Variants in DPP6 observed in about 807,000 individuals in gnomAD.
The protein encoded by DPP6 is A-type potassium channel modulatory protein DPP6.
A neutral mutation model predicts 122.6 loss-of-function variants in DPP6; 69 were observed. The ratio of observed to expected loss-of-function variants is 0.56; its 90% CI spans 0.46 to 0.69. DPP6 has a LOEUF of 0.69. DPP6 is among the 30% of genes least tolerant of loss of function. The pLI, the probability that DPP6 is intolerant of heterozygous loss-of-function variation, is 0.00. For synonymous variants in DPP6, 418 were observed against 433.1 expected (o/e 0.97, Z 0.43); for missense variants, 928 against 1,116.9 (o/e 0.83, Z 2.41).
chr7:153,960,089 G>C (rs2129027718), intron 1 of DPP6, among the ~76,000 whole-genome samples: 1 of 151,340 alleles, frequency 6.6e-6, no homozygotes, highest in South Asian at 2.1e-4. Context: ...TGAGGTGTGT[G>C]ATCAAACTCT....
chr7:154,050,824 T>C (rs1800262880), upstream of DPP6, among the ~76,000 whole-genome samples: 1 of 139,572 alleles, frequency 7.2e-6, no homozygotes, highest in Admixed American at 7.2e-5. Context: ...CTCATGTTTC[T>C]TCATAGTAAA....
At chr7:154,286,808 T>A (rs1363882963) in intron 1 of DPP6, among the ~76,000 whole-genome samples, 1 of 151,510 alleles carries the variant, frequency 6.6e-6, no homozygotes, top group Non-Finnish European at 1.5e-5. Flanking sequence ...TTTCTTCTTT[T>A]TTTTTTTTTT....
At chr7:154,284,710 C>T (rs1181340515) in intron 1 of DPP6, among the ~76,000 whole-genome samples, 1 of 152,134 alleles carries the variant, frequency 6.6e-6, no homozygotes, top group Non-Finnish European at 1.5e-5. Context: ...CAAAAATTAG[C>T]CGGGCGTGGT....
intron 1 of DPP6, among the ~76,000 whole-genome samples, chr7:153,916,195 G>A (rs540138179): frequency 4.0e-5 from 6 of 151,686 alleles, no homozygotes; most frequent in South Asian, 4.1e-4. Flanking sequence ...GGATAGTCTC[G>A]ATCTCCTGAC....
chr7:154,348,979 T>G (rs1277947044), intron 1 of DPP6, among the ~76,000 whole-genome samples: 1 of 152,206 alleles, frequency 6.6e-6, no homozygotes, highest in Non-Finnish European at 1.5e-5. Context: ...CTCTGTTGTT[T>G]CGATGAAGCA....
chr7:153,807,843 G>C, the DPP6 span, among the ~76,000 whole-genome samples: 1 of 151,962 alleles, frequency 6.6e-6, no homozygotes, highest in Non-Finnish European at 1.5e-5. Flanking sequence ...CGATCTTGTG[G>C]CTTGAAAGAA....
At chr7:154,445,621 A>C (rs78541697) in intron 1 of DPP6, among the ~76,000 whole-genome samples, 1 of 152,192 alleles carries the variant, frequency 6.6e-6, no homozygotes, top group African/African-American at 2.4e-5. Flanking sequence ...GTGAAGAGAG[A>C]CCAGGAAAAT....
intron 1 of DPP6, among the ~76,000 whole-genome samples, chr7:154,178,279 C>CA (rs1196903735): frequency 6.6e-6 from 1 of 152,092 alleles, no homozygotes; most frequent in African/African-American, 2.4e-5. Flanking sequence ...GCTCAGGAAG[C>CA]AAAGAAGTCA....
chr7:154,802,443 T>G (rs1415701824), intron 13 of DPP6, among the ~76,000 whole-genome samples: 4 of 152,196 alleles, frequency 2.6e-5, no homozygotes, highest in Admixed American at 2.0e-4. Context: ...CAATTTTTTC[T>G]CAGTGCACTT....
intron 7 of DPP6, among the ~76,000 whole-genome samples, chr7:154,680,368 C>T (rs1055775898): frequency 6.6e-6 from 1 of 152,216 alleles, no homozygotes; most frequent in Non-Finnish European, 1.5e-5. Context: ...ATTCATAACA[C>T]TGTTATCCAT....
chr7:154,465,791 C>T (rs1431807721), intron 2 of DPP6, among the ~76,000 whole-genome samples: 2 of 152,176 alleles, frequency 1.3e-5, no homozygotes, highest in African/African-American at 4.8e-5. Context: ...TTATGGAAGA[C>T]AGTGTGTTGA....
At chr7:154,033,533 A>G (rs974453617) in intron 1 of DPP6, among the ~76,000 whole-genome samples, 1 of 152,210 alleles carries the variant, frequency 6.6e-6, no homozygotes, top group South Asian at 2.1e-4. Context: ...AGGAATGTTC[A>G]TTCTTTGTAT....
At chr7:153,929,635 G>C (rs1271555858) in intron 1 of DPP6, among the ~76,000 whole-genome samples, 1 of 152,110 alleles carries the variant, frequency 6.6e-6, no homozygotes, top group Non-Finnish European at 1.5e-5. Flanking sequence ...ATTTGCAAAT[G>C]GCTTTGAAGA....
chr7:154,503,001 A>G (rs1280290446), intron 3 of DPP6, among the ~76,000 whole-genome samples: 1 of 152,162 alleles, frequency 6.6e-6, no homozygotes, highest in Non-Finnish European at 1.5e-5. Flanking sequence ...TAAGGTCTCT[A>G]TCTGGTCAAC....
At chr7:154,494,993 G>C (rs1824605329) in intron 3 of DPP6, among the ~76,000 whole-genome samples, 1 of 152,198 alleles carries the variant, frequency 6.6e-6, no homozygotes, top group African/African-American at 2.4e-5. Context: ...AGCTTAGAGA[G>C]AGTCTCGTGG....
At chr7:154,378,781 C>A (rs917068750) in intron 1 of DPP6, among the ~76,000 whole-genome samples, 1 of 152,170 alleles carries the variant, frequency 6.6e-6, no homozygotes, top group African/African-American at 2.4e-5. Flanking sequence ...GCTGGGGAAG[C>A]CTCAGGAAAC....
At chr7:154,764,146 C>T (rs1587068477) in intron 8 of DPP6, among the ~76,000 whole-genome samples, 1 of 152,126 alleles carries the variant, frequency 6.6e-6, no homozygotes, top group South Asian at 2.1e-4. Context: ...GGAGAGCTGT[C>T]CTTTCCCGGG....
chr7:154,238,825 A>G (rs1801386454), intron 1 of DPP6, among the ~76,000 whole-genome samples: 1 of 152,262 alleles, frequency 6.6e-6, no homozygotes, highest in Non-Finnish European at 1.5e-5. Flanking sequence ...TTTACAAGTT[A>G]AAAACCCAAG....
intron 1 of DPP6, among the ~76,000 whole-genome samples, chr7:154,261,369 AC>A (rs1333214366): frequency 1.3e-5 from 2 of 152,194 alleles, no homozygotes; most frequent in South Asian, 2.1e-4. Flanking sequence ...CTCATCTCTC[AC>A]CTTATACAGA....
Sources: allele counts gnomAD v4.1 joint callset (sites outside exome capture counted in the v4.1 genomes callset), GRCh38; gene constraint gnomAD v4.1.1; transcripts MANE v1.5; gene names NCBI Gene and HGNC (gene_info 2026-07-23, HGNC 2026-07-21).